The following GRIN2A variants were observed in gnomAD, a reference collection of about 807,000 sequenced individuals.
The protein encoded by GRIN2A is glutamate ionotropic receptor NMDA type subunit 2A.
In GRIN2A, 22 loss-of-function variants were observed where a neutral mutation model predicts 113.4. The ratio of observed to expected loss-of-function variants is 0.19; its 90% CI spans 0.14 to 0.28. The LOEUF is 0.28. Among genes scored for constraint, GRIN2A ranks in the 10% least tolerant of loss-of-function variants. GRIN2A has a pLI of 1.00. For missense variants in GRIN2A, 1,502 were observed against 1,887.0 expected (o/e 0.80, Z 3.78); for synonymous variants, 827 against 738.4 (o/e 1.12, Z -1.94).
intron 2 of GRIN2A, among the ~76,000 whole-genome samples, chr16:9,982,230 T>C (rs2045905121): frequency 6.6e-6 from 1 of 152,178 alleles, no homozygotes; most frequent in South Asian, 2.1e-4. Context: ...CCCCCTCCCA[T>C]ATTTGCTGGC....
At chr16:10,153,714 T>C (rs2049631116) in intron 2 of GRIN2A, among the ~76,000 whole-genome samples, 3 of 152,158 alleles carry the variant, frequency 2.0e-5, no homozygotes, top group African/African-American at 7.2e-5. Flanking sequence ...CAATCTTTGT[T>C]TGGGCTGGTT....
At chr16:10,005,184 AGTTT>A (rs2141852161) in intron 2 of GRIN2A, among the ~76,000 whole-genome samples, 1 of 152,332 alleles carries the variant, frequency 6.6e-6, no homozygotes, top group African/African-American at 2.4e-5. Flanking sequence ...CAAAGTAATT[AGTTT>A]AAGAAATTAC....
chr16:10,078,544 G>A (rs913366186), intron 2 of GRIN2A, among the ~76,000 whole-genome samples: 1 of 152,122 alleles, frequency 6.6e-6, no homozygotes, highest in Non-Finnish European at 1.5e-5. Context: ...GGAATCCTCA[G>A]AGCACCTGGC....
chr16:9,761,511 A>G lies in GRIN2A; in HGVS notation c.*1638T>C. Reference sequence around the variant, plus strand: ...TCAAAAATATTCATGTACATGAAATACACTAATTAACAGAGTAGAACTATA... The same window carrying G: ...TCAAAAATATTCATGTACATGAAATGCACTAATTAACAGAGTAGAACTATA... On this transcript the variant is annotated 3_prime_UTR_variant, in exon 13 of 13. Transcript: ENST00000330684. 1 of 229,760 alleles carries G rather than the reference A, an allele frequency of 4.4e-6. No individual in the cohort carries two copies. Among genetic ancestry groups the G allele is most frequent in the Non-Finnish European group, 8.6e-6 (1 of 115,914 alleles). 14.2% of individuals were successfully genotyped at this position (229,760 alleles called of 1,614,324 possible). A position where few individuals can be genotyped will look rare whatever the true frequency, so the allele number is the denominator to read the frequency against.
At chr16:9,774,644 C>T (rs1017192821) in intron 11 of GRIN2A, among the ~76,000 whole-genome samples, 8 of 152,198 alleles carry the variant, frequency 5.3e-5, no homozygotes, top group African/African-American at 9.7e-5. Context: ...GATGAGGGCA[C>T]GCAGGTGCAG....
intron 2 of GRIN2A, among the ~76,000 whole-genome samples, chr16:9,963,106 C>T (rs1373132660): frequency 7.9e-6 from 1 of 126,328 alleles, no homozygotes; most frequent in African/African-American, 3.1e-5. Context: ...GAACATCACA[C>T]ATCGGGGACT....
intron 2 of GRIN2A, among the ~76,000 whole-genome samples, chr16:10,166,248 T>C (rs1244262519): frequency 6.6e-6 from 1 of 152,222 alleles, no homozygotes; most frequent in Non-Finnish European, 1.5e-5. Flanking sequence ...CATTCAGCCA[T>C]TTGTGACAAC....
intron 2 of GRIN2A, among the ~76,000 whole-genome samples, chr16:10,134,939 CA>C (rs58015055): frequency 0.86 from 130,341 of 151,972 alleles, 56,324 homozygotes; most frequent in East Asian, 1. Flanking sequence ...AACGAACTAG[CA>C]AAAAAAAACT....
At chr16:10,160,233 ACT>A (rs2049783567) in intron 2 of GRIN2A, among the ~76,000 whole-genome samples, 1 of 152,042 alleles carries the variant, frequency 6.6e-6, no homozygotes, top group Non-Finnish European at 1.5e-5. Flanking sequence ...CTAAGTACCT[ACT>A]CTCCCTCAAA....
chr16:10,111,757 A>T (rs576301217), intron 2 of GRIN2A: 1 of 1,507,788 alleles, frequency 6.6e-7, no homozygotes, highest in East Asian at 2.3e-5. Context: ...CCCCTCACAC[A>T]CTGTGGGTGA....
chr16:10,143,428 A>C (rs2049369889), intron 2 of GRIN2A, among the ~76,000 whole-genome samples: 1 of 152,224 alleles, frequency 6.6e-6, no homozygotes, highest in Non-Finnish European at 1.5e-5. Flanking sequence ...AATTTCAAGC[A>C]AATTATTGCT....
In GRIN2A at chr16:9,938,140, G is replaced by T; in HGVS notation, c.826C>A (p.Leu276Ile). Residue 276 changes from leucine (L) to isoleucine (I), a missense_variant, in exon 3 of 13, where the codon CTC becomes ATC. Physicochemically the swap from Leu to Ile is conservative, Grantham distance 5. Transcript: ENST00000330684. ...ELIPKEFPSG[L>I]ISVSYDDWDY... ...CAGTCATCGTAGGAGACAGAAATGA[G>T]TCCCGATGGAAACTCTTTTGGGATG... 1 of 1,614,126 alleles carries T rather than the reference G, an allele frequency of 6.2e-7. No homozygotes were observed.
intron 2 of GRIN2A, among the ~76,000 whole-genome samples, chr16:10,086,576 C>G (rs1466239056): frequency 7.0e-6 from 1 of 143,358 alleles, no homozygotes; most frequent in Non-Finnish European, 1.5e-5. Context: ...CCAGGAGAAG[C>G]TGCACCATAC....
intron 2 of GRIN2A, among the ~76,000 whole-genome samples, chr16:10,059,017 G>C (rs1387151160): frequency 6.6e-6 from 1 of 152,218 alleles, no homozygotes; most frequent in African/African-American, 2.4e-5. Context: ...TATGCAGCAG[G>C]ATGGGGAATC....
intron 4 of GRIN2A, among the ~76,000 whole-genome samples, chr16:9,875,123 A>T (rs376575113): frequency 0.08 from 12,113 of 150,474 alleles, 666 homozygotes; most frequent in Middle Eastern, 0.18. Context: ...AGTCCCCACA[A>T]GTAGCTGGGA....
chr16:9,989,125 C>A (rs1227970304), intron 2 of GRIN2A, among the ~76,000 whole-genome samples: 1 of 152,156 alleles, frequency 6.6e-6, no homozygotes, highest in African/African-American at 2.4e-5. Flanking sequence ...AAAGCCATCA[C>A]ATTACCTAAC....
intron 2 of GRIN2A, among the ~76,000 whole-genome samples, chr16:10,013,001 GT>G (rs1198255441): frequency 2.0e-5 from 3 of 152,190 alleles, no homozygotes; most frequent in Non-Finnish European, 2.9e-5. Context: ...CAATTTACCA[GT>G]TCTTGGGTGG....
chr16:9,969,198 T>C (rs148787473), intron 2 of GRIN2A, among the ~76,000 whole-genome samples: 2 of 152,264 alleles, frequency 1.3e-5, no homozygotes, highest in East Asian at 3.9e-4. Flanking sequence ...GATCTCCTCG[T>C]CCCATGGTCC....
intron 11 of GRIN2A, among the ~76,000 whole-genome samples, chr16:9,772,341 G>A (rs541163118): frequency 3.3e-5 from 5 of 152,134 alleles, no homozygotes; most frequent in African/African-American, 1.2e-4. Context: ...AATACAATGT[G>A]CTGTTGACGT....
Sources: allele counts gnomAD v4.1 joint callset (sites outside exome capture counted in the v4.1 genomes callset), GRCh38; gene constraint gnomAD v4.1.1; transcripts MANE v1.5; gene names NCBI Gene and HGNC (gene_info 2026-07-23, HGNC 2026-07-21).